WDR3: variants seen among roughly 807,000 people sequenced by gnomAD.
WDR3 encodes WD repeat-containing protein 3.
Under a neutral mutation model 123.7 loss-of-function variants are expected in WDR3, and 81 were observed. That is an observed-to-expected ratio of 0.65 (90% CI 0.55 to 0.79). The LOEUF (loss-of-function observed/expected upper bound fraction) is 0.79, where lower values mean the gene tolerates loss of function less well. Ranked by LOEUF, WDR3 falls within the 30% of genes least tolerant of loss-of-function variation. The probability of loss-of-function intolerance (pLI) is 0.00; values close to 1 mark genes in which losing one functional copy is unlikely to be tolerated. For synonymous variants in WDR3, 390 were observed against 388.8 expected, an observed-to-expected ratio of 1.00 and a Z score of -0.04; for missense variants, 1,027 against 1,123.2, an observed-to-expected ratio of 0.91 and a Z score of 1.22.
intron 1 of WDR3, among the ~76,000 whole-genome samples, chr1:117,931,796 G>C (rs1217405967): frequency 6.6e-6 from 1 of 152,178 alleles, no homozygotes; most frequent in Non-Finnish European, 1.5e-5. Flanking sequence ...TTATCACCAT[G>C]TTAATATTAT....
In WDR3 at chr1:117,940,909, G is replaced by T; in HGVS notation, c.758G>T (p.Gly253Val). The change falls in exon 7 of 27, where the codon GGT becomes GTT. Residue 253 changes from glycine to valine, a missense_variant. By Grantham distance (109) the Gly-to-Val change is moderately radical. Coordinates refer to ENST00000349139, the MANE Select transcript of WDR3 (RefSeq NM_006784.3). ...CAAGATACTCTTGAGGCAGAGGATG[G>T]TGCCTTTGAGACGGATGAAGCCCCT... ...GIQDTLEAED[G>V]AFETDEAPED... 1 of 1,613,788 alleles carries T rather than the reference G, an allele frequency of 6.2e-7. No individual in the cohort carries two copies. Among genetic ancestry groups the T allele is most frequent in the Non-Finnish European group, 8.5e-7 (1 of 1,179,934 alleles).
rs1299202429 is a variant in WDR3, at chr1:117,952,230, A to G, written c.1905-67A>G. 2.7e-6 allele frequency: 4 copies of G among 1,485,884 alleles called. No homozygotes were observed. In the African/African-American group the frequency reaches 4.2e-5, roughly 16 times the overall value. 92.0% of individuals were successfully genotyped at this position (1,485,884 alleles called of 1,614,324 possible). A position where few individuals can be genotyped will look rare whatever the true frequency, so the allele number is the denominator to read the frequency against. On this transcript the variant is annotated intron_variant, in intron 17 of 26. Transcript: ENST00000349139. The stretch of plus-strand genomic sequence containing the variant: ...AGAACTAGCTAGTCAAAAGCTATTT[A>G]TGTGTGTAAAACTCTTTTTACTAAC...
chr1:117,966,542 C>T lies in WDR3; in HGVS notation c.*7095C>T. On this transcript the variant is annotated 3_prime_UTR_variant, in exon 27 of 27. Transcript: ENST00000349139. ...TAAAGTAGAGATGCATTTTGACTTC[C>T]ATGTTTTCCTCACTCGTGTAATTTC... The T allele has an allele frequency of 7.3e-7, 1 of 1,363,606 alleles. No individual in the cohort carries two copies. Among genetic ancestry groups the T allele is most frequent in the Non-Finnish European group, 9.7e-7 (1 of 1,028,212 alleles). 84.5% of individuals were successfully genotyped at this position (1,363,606 alleles called of 1,614,324 possible). A position where few individuals can be genotyped will look rare whatever the true frequency, so the allele number is the denominator to read the frequency against.
rs1389020818 is a variant in WDR3, at chr1:117,960,045, TG to T, written c.*599del. ...TTTATACTTTTCTGAATAAAATAGT[TG>T]TTTCTAATTAAAAAGTAGCCAAGCT... On this transcript the variant is annotated 3_prime_UTR_variant, in exon 27 of 27. Transcript: ENST00000349139. 6.6e-6 allele frequency: 1 copy of T among 152,164 alleles called. No individual in the cohort carries two copies. Among genetic ancestry groups the T allele is most frequent in the Non-Finnish European group, 1.5e-5 (1 of 68,066 alleles). 9.4% of individuals were successfully genotyped at this position (152,164 alleles called of 1,614,324 possible). A position where few individuals can be genotyped will look rare whatever the true frequency, so the allele number is the denominator to read the frequency against.
intron 3 of WDR3, among the ~76,000 whole-genome samples, chr1:117,935,463 A>G (rs144219478): frequency 1.3e-5 from 2 of 152,154 alleles, no homozygotes; most frequent in East Asian, 1.9e-4. Context: ...GCAAGTACCA[A>G]TGCAAAATAG....
At chr1:117,942,259 G>C (rs1651196441) in intron 9 of WDR3, among the ~76,000 whole-genome samples, 178 bp from the exon 10 acceptor site, 1 of 152,158 alleles carries the variant, frequency 6.6e-6, no homozygotes, top group Non-Finnish European at 1.5e-5. Context: ...ACATTGTAGT[G>C]TACAAAGCAT....
chr1:117,963,959 T>C lies in WDR3; in HGVS notation c.*4512T>C. On this transcript the variant is annotated 3_prime_UTR_variant, in exon 27 of 27. Coordinates refer to ENST00000349139, the MANE Select transcript of WDR3 (RefSeq NM_006784.3). ...AACAGGTAAAATACTTGTTAAGGGC[T>C]GTGCTTTTCATGACTAAATTATTTG... 6.3e-7 allele frequency: 1 copy of C among 1,599,570 alleles called. No individual in the cohort carries two copies. The highest frequency in any genetic ancestry group is 8.5e-7 in the Non-Finnish European group (1 of 1,173,050).
Position 117,939,557 on chromosome 1 carries a change from A to G in WDR3, c.660A>G (p.Ile220Met), listed in dbSNP as rs1651069284. The change falls in exon 6 of 27, where the codon ATA becomes ATG. Residue 220 changes from isoleucine (I) to methionine (M), a missense_variant. Physicochemically the swap from Ile to Met is conservative, Grantham distance 10. Transcript: ENST00000349139. ...ACAGTGAACTGAGGGTATGGGACAT[A>G]GCTTATCTGCAAGAGGTAATTACTT... ...ASDSELRVWD[I>M]AYLQEIEDPE... 1.2e-6 allele frequency: 2 copies of G among 1,613,678 alleles called. No homozygotes were observed. Among genetic ancestry groups the G allele is most frequent in the African/African-American group, 2.7e-5 (2 of 75,032 alleles).
In WDR3 at chr1:117,959,290, A is replaced by T; in HGVS notation, c.2677-2A>T. 1 of 1,610,652 alleles carries T rather than the reference A, an allele frequency of 6.2e-7. No individual in the cohort carries two copies. Among genetic ancestry groups the T allele is most frequent in the Non-Finnish European group, 8.5e-7 (1 of 1,179,128 alleles). On this transcript the variant is annotated splice_acceptor_variant, in intron 26 of 26. Transcript: ENST00000349139. LOFTEE classifies it high-confidence loss of function. ...TTTAATATTTCTTGTATTGCACTCC[A>T]GGATGTTATCGGCTTCAATATGGCT...
At position 117,961,007 on chromosome 1, in the gene WDR3, C is replaced by T. The variant is rs980902638; in HGVS notation, c.*1560C>T. On this transcript the variant is annotated 3_prime_UTR_variant, in exon 27 of 27. Transcript: ENST00000349139. ...ATATTTATTGAAAATATCTGGGCTGCGTGCAGTGGCTCACGCCTGTAATCC... is the reference window on the plus strand; with the variant it reads ...ATATTTATTGAAAATATCTGGGCTGTGTGCAGTGGCTCACGCCTGTAATCC... The T allele has an allele frequency of 6.6e-6, 1 of 152,222 alleles. No individual in the cohort carries two copies. Among genetic ancestry groups the T allele is most frequent in the Admixed American group, 6.5e-5 (1 of 15,270 alleles). The allele number at this position is 152,222 out of a possible 1,614,324, so 9.4% of individuals were successfully genotyped here. A position where few individuals can be genotyped will look rare whatever the true frequency, so the allele number is the denominator to read the frequency against.
At chr1:117,948,301 A>G (rs2101214712) in intron 12 of WDR3, 104 bp from the exon 13 acceptor site, 6 of 916,460 alleles carry the variant, frequency 6.5e-6, no homozygotes, top group East Asian at 2.6e-5. Flanking sequence ...AATGGATCAC[A>G]TTTTTGCAGC....
chr1:117,957,115 A>T lies in WDR3; in HGVS notation c.2501A>T (p.Asp834Val). 2 of 1,611,084 alleles carry T rather than the reference A, an allele frequency of 1.2e-6. No homozygotes were observed. The highest frequency in any genetic ancestry group is 2.2e-5 in the South Asian group (2 of 90,420). The part of the protein sequence containing the change: ...LLVLPFSYVP[D>V]ILKLFNEFIQ... Reference sequence around the variant, plus strand: ...GTGCTGCCTTTCTCTTATGTCCCAGACATTCTTAAACTCTTTAACGAATTC... The same window carrying T: ...GTGCTGCCTTTCTCTTATGTCCCAGTCATTCTTAAACTCTTTAACGAATTC... The change falls in exon 25 of 27, where the codon GAC becomes GTC. Residue 834 changes from aspartate (D) to valine (V), a missense_variant. Asp to Val is a radical substitution (Grantham distance 152). Transcript: ENST00000349139.
In WDR3 at chr1:117,941,089, C is replaced by T. The variant is rs376890422; in HGVS notation, c.790-35C>T. ...TTTTTCAGAAGTTCAGCAGAACTTA[C>T]ATCTAACCTTCATCTGCTCTTGCTT... On this transcript the variant is annotated intron_variant, in intron 7 of 26. Coordinates refer to ENST00000349139, the MANE Select transcript of WDR3 (RefSeq NM_006784.3). The T allele has an allele frequency of 5.0e-6, 8 of 1,609,248 alleles. No individual in the cohort carries two copies. In the African/African-American group the frequency reaches 5.3e-5, roughly 11 times the overall value.
chr1:117,965,523 A>G lies in WDR3; in HGVS notation c.*6076A>G, dbSNP rs1473601140. 1 of 152,218 alleles carries G rather than the reference A, an allele frequency of 6.6e-6. No individual in the cohort carries two copies. The highest frequency in any genetic ancestry group is 2.4e-5 in the African/African-American group (1 of 41,428). The allele number at this position is 152,218 out of a possible 1,614,324, so 9.4% of individuals were successfully genotyped here. The stretch of plus-strand genomic sequence containing the variant: ...CGATGTCCTCTTTCTTCCATCCATC[A>G]ATGGCTTCTACCTCAGATTTTGCAG... On this transcript the variant is annotated 3_prime_UTR_variant, in exon 27 of 27. Transcript: ENST00000349139.
chr1:117,949,960 CATTT>C, intron 14 of WDR3, 31 bp from the exon 15 acceptor site: 1 of 1,613,092 alleles, frequency 6.2e-7, no homozygotes, highest in Non-Finnish European at 8.5e-7. Flanking sequence ...TTTGTATACT[CATTT>C]ATTTTTTCTT....
chr1:117,940,823 A>G lies in WDR3; in HGVS notation c.676-4A>G. On this transcript the variant is annotated splice_region_variant and splice_polypyrimidine_tract_variant and intron_variant, in intron 6 of 26. Coordinates refer to ENST00000349139, the MANE Select transcript of WDR3 (RefSeq NM_006784.3). Reference sequence around the variant, plus strand: ...GCTTTTATTTTCTCATTTTTATAAAACAGATTGAAGACCCGGAAGAACCAG... The same window carrying G: ...GCTTTTATTTTCTCATTTTTATAAAGCAGATTGAAGACCCGGAAGAACCAG... 1 of 1,600,862 alleles carries G rather than the reference A, an allele frequency of 6.2e-7. No individual in the cohort carries two copies. Among genetic ancestry groups the G allele is most frequent in the Non-Finnish European group, 8.5e-7 (1 of 1,175,076 alleles).
rs927208658 is a variant in WDR3, at chr1:117,955,602, C to T, written c.2453+244C>T. On this transcript the variant is annotated intron_variant, in intron 24 of 26. Transcript: ENST00000349139. The stretch of plus-strand genomic sequence containing the variant: ...AAAGGGGAGTGATTTATGTTGTAGG[C>T]GATGAAATAATATATAATTCAATTA... Among the ~76,000 whole-genome samples, 8 of 151,846 alleles carry T rather than the reference C, an allele frequency of 5.3e-5. No homozygotes were observed. In the East Asian group the frequency reaches 1.2e-3, roughly 22 times the overall value.
chr1:117,952,225 T>C, intron 17 of WDR3, 72 bp from the exon 18 acceptor site: 1 of 1,470,330 alleles, frequency 6.8e-7, no homozygotes, highest in Non-Finnish European at 9.4e-7. Flanking sequence ...AGTCAAAAGC[T>C]ATTTATGTGT....
Position 117,952,024 on chromosome 1 carries a change from T to G in WDR3, c.1852T>G (p.Trp618Gly), listed in dbSNP as rs778209155. The change falls in exon 17 of 27, where the codon TGG becomes GGG. Residue 618 changes from tryptophan to glycine, a missense_variant. Physicochemically the swap from Trp to Gly is radical, Grantham distance 184. Coordinates refer to ENST00000349139, the MANE Select transcript of WDR3 (RefSeq NM_006784.3). ...TGSADRNVKIWGLDFGDCHKS... is the reference protein window; with the variant it reads ...TGSADRNVKIGGLDFGDCHKS... ...CTCCGCTGATAGGAATGTGAAAATC[T>G]GGGGTTTGGACTTTGGGGACTGCCA... The G allele has an allele frequency of 1.9e-6, 3 of 1,613,518 alleles. No homozygotes were observed. The highest frequency in any genetic ancestry group is 2.5e-6 in the Non-Finnish European group (3 of 1,179,504).
Sources: allele counts gnomAD v4.1 joint callset (sites outside exome capture counted in the v4.1 genomes callset), GRCh38; gene constraint gnomAD v4.1.1; transcripts MANE v1.5; gene names NCBI Gene and HGNC (gene_info 2026-07-23, HGNC 2026-07-21).